Variants in CRTAC1 observed in about 807,000 individuals in gnomAD.
The protein encoded by CRTAC1 is cartilage acidic protein 1, also known as acidic secreted protein in cartilage.
In CRTAC1, 37 loss-of-function variants were observed where a neutral mutation model predicts 67.8. The observed-to-expected ratio is 0.55, with a 90% confidence interval of 0.42 to 0.72. The LOEUF is 0.72. CRTAC1 is among the 30% of genes least tolerant of loss of function. The pLI is 0.00. For missense variants in CRTAC1, 780 were observed against 931.6 expected (o/e 0.84, Z 2.12); for synonymous variants, 348 against 371.0 (o/e 0.94, Z 0.71).
At chr10:97,994,476 G>A (rs932291016) in intron 2 of CRTAC1, among the ~76,000 whole-genome samples, 4 of 152,136 alleles carry the variant, frequency 2.6e-5, no homozygotes, top group Admixed American at 6.5e-5. Context: ...GGAGGGAGAG[G>A]ACATATTAGA....
intron 11 of CRTAC1, among the ~76,000 whole-genome samples, chr10:97,891,217 G>T (rs1356048510): frequency 1.3e-5 from 2 of 152,162 alleles, no homozygotes; most frequent in Non-Finnish European, 2.9e-5. Flanking sequence ...GTGGTGAAAT[G>T]ATGAGTAATT....
At chr10:97,892,287 TGG>T (rs1163255400) in intron 11 of CRTAC1, among the ~76,000 whole-genome samples, 1 of 152,222 alleles carries the variant, frequency 6.6e-6, no homozygotes, top group Non-Finnish European at 1.5e-5. Flanking sequence ...CCCTGAGATG[TGG>T]GGAAGGAGAA....
chr10:97,943,848 A>G (rs562559739), intron 2 of CRTAC1, among the ~76,000 whole-genome samples: 9 of 152,256 alleles, frequency 5.9e-5, no homozygotes, highest in Non-Finnish European at 1.2e-4. Flanking sequence ...AAAGCTGAAA[A>G]TATTTTCCAT....
intron 14 of CRTAC1, chr10:97,879,829 GA>G: frequency 1.3e-6 from 1 of 767,132 alleles, no homozygotes; most frequent in Non-Finnish European, 1.8e-6. Context: ...CGGGGAGACA[GA>G]AAATGGGAAA....
intron 5 of CRTAC1, 96 bp from the exon 6 acceptor site, chr10:97,908,243 A>AGAG: frequency 1.5e-6 from 2 of 1,374,664 alleles, no homozygotes; most frequent in Admixed American, 4.0e-5. Context: ...GAACTGCAGC[A>AGAG]GAGGCTCCTC....
chr10:97,935,347 G>A (rs1297388714), intron 3 of CRTAC1, among the ~76,000 whole-genome samples: 2 of 152,204 alleles, frequency 1.3e-5, no homozygotes, highest in Non-Finnish European at 2.9e-5. Context: ...AGTATTAACT[G>A]TTATTATTGT....
rs780063570 is a variant in CRTAC1 at position 97,896,011 on chromosome 10, T to G, written c.1217-26A>C. The stretch of plus-strand genomic sequence containing the variant: ...CTACAAACAATGCAGATTTCACCTC[T>G]GGCCGTAATCCAGGAGACCCACAAA... On this transcript the variant is annotated intron_variant, in intron 9 of 14. Coordinates refer to ENST00000370597, the MANE Select transcript of CRTAC1 (RefSeq NM_018058.7). 2.5e-6 allele frequency: 4 copies of G among 1,601,564 alleles called. No homozygotes were observed. The African/African-American group carries it at 5.4e-5, about 21-fold the overall frequency.
intron 2 of CRTAC1, among the ~76,000 whole-genome samples, chr10:97,972,544 C>T (rs1298230650): frequency 6.6e-6 from 1 of 152,130 alleles, no homozygotes; most frequent in Non-Finnish European, 1.5e-5. Flanking sequence ...GCCAAGGCAA[C>T]ATAAAGTCAT....
chr10:97,914,822 G>C (rs573382768), intron 5 of CRTAC1, among the ~76,000 whole-genome samples: 2 of 152,320 alleles, frequency 1.3e-5, no homozygotes, highest in Admixed American at 6.5e-5. Context: ...TTGGGGACCA[G>C]GGGATGGGAG....
Position 97,904,759 on chromosome 10 carries a change from A to G in CRTAC1, c.906T>C (p.Arg302=). 6.2e-7 allele frequency: 1 copy of G among 1,607,036 alleles called. No individual in the cohort carries two copies. Among genetic ancestry groups the G allele is most frequent in the East Asian group, 2.3e-5 (1 of 44,434 alleles). Reference sequence around the variant, plus strand: ...CATAGACGATGTCCACTTTGCCATCACGGTTGAAGTCAGCCAGGGCGACAC... The same window carrying G: ...CATAGACGATGTCCACTTTGCCATCGCGGTTGAAGTCAGCCAGGGCGACAC... ...GRGVALADFN[R]DGKVDIVYGN... The change falls in exon 7 of 15, where the codon CGT becomes CGC. Residue 302 remains arginine (R), a synonymous_variant. Coordinates refer to ENST00000370597, the MANE Select transcript of CRTAC1 (RefSeq NM_018058.7).
At chr10:97,951,879 C>T (rs1372629694) in intron 2 of CRTAC1, among the ~76,000 whole-genome samples, 1 of 152,070 alleles carries the variant, frequency 6.6e-6, no homozygotes, top group Non-Finnish European at 1.5e-5. Flanking sequence ...GGGAGCACAT[C>T]AAAAAGTGTG....
At chr10:97,999,214 C>T (rs1055450407) in intron 2 of CRTAC1, among the ~76,000 whole-genome samples, 1 of 152,182 alleles carries the variant, frequency 6.6e-6, no homozygotes, top group African/African-American at 2.4e-5. Context: ...AGGCATGAGC[C>T]CCACCATCCT....
At chr10:97,924,035 A>G (rs965551438) in intron 3 of CRTAC1, among the ~76,000 whole-genome samples, 8 of 152,068 alleles carry the variant, frequency 5.3e-5, no homozygotes, top group Non-Finnish European at 2.9e-5. Context: ...CCTCTTTTGG[A>G]TTACTGGCCC....
chr10:98,009,216 TTAAAA>T (rs1275763339), intron 2 of CRTAC1, among the ~76,000 whole-genome samples: 1 of 152,242 alleles, frequency 6.6e-6, no homozygotes, highest in Non-Finnish European at 1.5e-5. Context: ...CTATTTTTAA[TTAAAA>T]TAAAAGAAAA....
chr10:97,956,544 A>T (rs1244562404), intron 2 of CRTAC1, among the ~76,000 whole-genome samples: 2 of 146,106 alleles, frequency 1.4e-5, no homozygotes, highest in African/African-American at 4.9e-5. Context: ...AATAAACAGC[A>T]TATGCAGTAA....
At chr10:97,992,346 A>G (rs916118149) in intron 2 of CRTAC1, among the ~76,000 whole-genome samples, 1 of 152,236 alleles carries the variant, frequency 6.6e-6, no homozygotes, top group Non-Finnish European at 1.5e-5. Context: ...GGAAAAATAT[A>G]TGTTCAAAAA....
intron 2 of CRTAC1, among the ~76,000 whole-genome samples, chr10:97,979,875 T>C (rs2051864254): frequency 6.6e-6 from 1 of 152,180 alleles, no homozygotes; most frequent in South Asian, 2.1e-4. Context: ...CTCCCAAGCT[T>C]GCCTGATGAT....
In CRTAC1 at chr10:97,865,633, CCAGCAGCGGCAG is replaced by C. The variant is rs759281769; in HGVS notation, c.1889_1900del (p.Ala630_Ala633del). On this transcript the variant is annotated inframe_deletion, in exon 15 of 15. Coordinates refer to ENST00000370597, the MANE Select transcript of CRTAC1 (RefSeq NM_018058.7). ...GAGGACCGGTGCAGCAGTGGCAGCT[CCAGCAGCGGCAG>C]CAGCAGCGGCAGTGGCAGCAGCAGC... 6.2e-6 allele frequency: 10 copies of C among 1,612,792 alleles called. No individual in the cohort carries two copies. Among genetic ancestry groups the C allele is most frequent in the South Asian group, 3.3e-5 (3 of 90,940 alleles).
intron 4 of CRTAC1, among the ~76,000 whole-genome samples, chr10:97,917,982 G>A (rs1250096685): frequency 6.6e-6 from 1 of 152,074 alleles, no homozygotes; most frequent in African/African-American, 2.4e-5. Context: ...CTCCAGCTGA[G>A]CTCTCTCCAG....
Sources: gnomAD v4.1 joint callset for allele counts (sites outside exome capture counted in the v4.1 genomes callset) on GRCh38, gnomAD v4.1.1 for gene constraint, MANE v1.5 for transcripts, NCBI Gene and HGNC (gene_info 2026-07-23, HGNC 2026-07-21) for gene names.